The following FARSB variants were observed in gnomAD, a reference collection of about 807,000 sequenced individuals.
FARSB encodes phenylalanine--tRNA ligase beta subunit.
Under a neutral mutation model 69.6 loss-of-function variants are expected in FARSB, and 40 were observed. The ratio of observed to expected loss-of-function variants is 0.57; its 90% CI spans 0.45 to 0.75. FARSB has a LOEUF of 0.75. Among genes scored for constraint, FARSB ranks in the 30% least tolerant of loss-of-function variants. The pLI is 0.00. For synonymous variants in FARSB, 235 were observed against 247.2 expected (o/e 0.95, Z 0.46); for missense variants, 632 against 722.9 (o/e 0.87, Z 1.44).
intron 15 of FARSB, 85 bp from the exon 16 acceptor site, chr2:222,600,168 T>A: frequency 1.7e-6 from 2 of 1,178,702 alleles, no homozygotes; most frequent in Non-Finnish European, 2.3e-6. Context: ...TTAGAAAAAG[T>A]CAACAAAAAA....
chr2:222,648,155 C>T (rs1691918708), intron 2 of FARSB, among the ~76,000 whole-genome samples: 1 of 151,976 alleles, frequency 6.6e-6, no homozygotes, highest in African/African-American at 2.4e-5. Flanking sequence ...TCATTATTAA[C>T]AATATTAAAA....
intron 16 of FARSB, among the ~76,000 whole-genome samples, chr2:222,592,777 C>T (rs1186643558): frequency 6.6e-6 from 1 of 151,392 alleles, no homozygotes. Context: ...ACAGTAGTCT[C>T]CATTTATATG....
rs546374336 is a variant in FARSB at position 222,604,348 on chromosome 2, C to CAA, written c.1463-4266_1463-4265insTT. Among the ~76,000 whole-genome samples the CAA allele has an allele frequency of 5.9e-3, 904 of 152,020 alleles. 6 individuals are homozygous for CAA. Among genetic ancestry groups the CAA allele is most frequent in the Middle Eastern group, 0.024 (7 of 294 alleles). On this transcript the variant is annotated intron_variant, in intron 15 of 16. Coordinates refer to ENST00000281828, the MANE Select transcript of FARSB (RefSeq NM_005687.5). Reference sequence around the variant, plus strand: ...ACTGAAATAAATTATTTTTAAGAGTCAGTGAAGTTTCTAGCCATGAAAGTA... The same window carrying CAA: ...ACTGAAATAAATTATTTTTAAGAGTCAAAGTGAAGTTTCTAGCCATGAAAGTA...
At chr2:222,574,663 T>C (rs1023785810) in intron 16 of FARSB, among the ~76,000 whole-genome samples, 3 of 152,252 alleles carry the variant, frequency 2.0e-5, no homozygotes, top group Admixed American at 6.5e-5. Flanking sequence ...AGTCATAAGA[T>C]TCCTGTATAA....
At chr2:222,603,730 T>TTA (rs928455390) in intron 15 of FARSB, among the ~76,000 whole-genome samples, 4 of 147,556 alleles carry the variant, frequency 2.7e-5, no homozygotes, top group Middle Eastern at 3.6e-3. Context: ...ATAATATTAA[T>TTA]TATATATATT....
intron 15 of FARSB, among the ~76,000 whole-genome samples, chr2:222,609,240 C>A (rs927382403): frequency 3.3e-5 from 5 of 152,216 alleles, no homozygotes; most frequent in Non-Finnish European, 5.9e-5. Flanking sequence ...TTGCAAAATA[C>A]AGTTGCTTTT....
chr2:222,606,883 AG>A (rs1690716390), intron 15 of FARSB, among the ~76,000 whole-genome samples: 1 of 152,228 alleles, frequency 6.6e-6, no homozygotes, highest in African/African-American at 2.4e-5. Flanking sequence ...AAAAGCCCAA[AG>A]AAAGATGCTA....
intron 12 of FARSB, 81 bp downstream of exon 12, chr2:222,624,191 T>A: frequency 2.2e-6 from 2 of 917,376 alleles, no homozygotes; most frequent in Non-Finnish European, 3.6e-6. Flanking sequence ...GATTCCTACG[T>A]TCTGTTTTCT....
At chr2:222,586,086 G>A (rs1265018146) in intron 16 of FARSB, among the ~76,000 whole-genome samples, 4 of 152,068 alleles carry the variant, frequency 2.6e-5, no homozygotes, top group African/African-American at 7.2e-5. Context: ...GTGAAATGAA[G>A]GAAAAAAATG....
chr2:222,586,519 T>C (rs1690117364), intron 16 of FARSB, among the ~76,000 whole-genome samples: 1 of 152,184 alleles, frequency 6.6e-6, no homozygotes, highest in African/African-American at 2.4e-5. Flanking sequence ...AATATTAACC[T>C]TAAATGTAAA....
rs369897073 is a variant in FARSB at position 222,597,887 on chromosome 2, A to T, written c.1618+2041T>A. ...TAATATCACCTACCTGCTTTAAAAG[A>T]AGAAAAAAAAGAAGCTTTAATGCTT... On this transcript the variant is annotated intron_variant, in intron 16 of 16. Transcript: ENST00000281828. Among the ~76,000 whole-genome samples the T allele has an allele frequency of 2.0e-5, 3 of 152,300 alleles. No homozygotes were observed. The East Asian group carries it at 5.8e-4, about 29-fold the overall frequency.
At chr2:222,587,434 C>A (rs1481411213) in intron 16 of FARSB, among the ~76,000 whole-genome samples, 1 of 152,140 alleles carries the variant, frequency 6.6e-6, no homozygotes, top group Non-Finnish European at 1.5e-5. Flanking sequence ...ATCCTAACAT[C>A]ACAATTAAAA....
At chr2:222,630,684 A>G (rs546539573) in intron 8 of FARSB, among the ~76,000 whole-genome samples, 57 of 152,210 alleles carry the variant, frequency 3.7e-4, no homozygotes, top group Admixed American at 1.0e-3. Flanking sequence ...TTCAAAAAAA[A>G]TTCTTAGAAA....
At chr2:222,573,829 A>G (rs1689771246) in intron 16 of FARSB, among the ~76,000 whole-genome samples, 1 of 152,214 alleles carries the variant, frequency 6.6e-6, no homozygotes, top group African/African-American at 2.4e-5. Flanking sequence ...TCTTATTAAT[A>G]GATTCAACGG....
At chr2:222,600,724 C>G (rs971213086) in intron 15 of FARSB, among the ~76,000 whole-genome samples, 4 of 152,074 alleles carry the variant, frequency 2.6e-5, no homozygotes, top group Non-Finnish European at 5.9e-5. Context: ...GATTGGAAAA[C>G]TATGAAGCAA....
chr2:222,578,419 T>C (rs1355591623), intron 16 of FARSB, among the ~76,000 whole-genome samples: 1 of 152,246 alleles, frequency 6.6e-6, no homozygotes, highest in Non-Finnish European at 1.5e-5. Context: ...GTATCCAAAT[T>C]TCACAATTAG....
At chr2:222,629,624 CT>C (rs1460330832) in intron 9 of FARSB, among the ~76,000 whole-genome samples, 1 of 152,196 alleles carries the variant, frequency 6.6e-6, no homozygotes, top group Non-Finnish European at 1.5e-5. Context: ...ATCACCAAAA[CT>C]TTTTAAAGTA....
At chr2:222,650,067 C>T (rs1691989821) in intron 1 of FARSB, among the ~76,000 whole-genome samples, 1 of 152,158 alleles carries the variant, frequency 6.6e-6, no homozygotes, top group African/African-American at 2.4e-5. Context: ...GTACAAGGTA[C>T]AGGGCTGGCA....
At chr2:222,577,070 T>G (rs970607573) in intron 16 of FARSB, among the ~76,000 whole-genome samples, 2 of 152,024 alleles carry the variant, frequency 1.3e-5, no homozygotes, top group Non-Finnish European at 2.9e-5. Context: ...GGTAAGACAT[T>G]AGAGCTTATA....
Sources: gnomAD v4.1 joint callset for allele counts (sites outside exome capture counted in the v4.1 genomes callset) on GRCh38, gnomAD v4.1.1 for gene constraint, MANE v1.5 for transcripts, NCBI Gene and HGNC (gene_info 2026-07-23, HGNC 2026-07-21) for gene names.